PPFIA1: variants seen among roughly 807,000 people sequenced by gnomAD.
The protein encoded by PPFIA1 is PPFI scaffold protein A1, also known as liprin-alpha-1.
Under a neutral mutation model 149.9 loss-of-function variants are expected in PPFIA1, and 25 were observed. The observed-to-expected ratio is 0.17, with a 90% confidence interval of 0.12 to 0.23. The LOEUF (loss-of-function observed/expected upper bound fraction) is 0.23. Ranked by LOEUF, PPFIA1 falls within the 10% of genes least tolerant of loss-of-function variation. The pLI is 1.00. For synonymous variants in PPFIA1, 549 were observed against 552.8 expected (o/e 0.99, Z 0.10); for missense variants, 1,362 against 1,506.5 (o/e 0.90, Z 1.59).
At position 70,338,354 on chromosome 11, in the gene PPFIA1, A is replaced by G; in HGVS notation, c.1492-20A>G. 1 of 1,582,642 alleles carries G rather than the reference A, an allele frequency of 6.3e-7. No individual in the cohort carries two copies. The highest frequency in any genetic ancestry group is 8.7e-7 in the Non-Finnish European group (1 of 1,152,084). On this transcript the variant is annotated intron_variant, in intron 12 of 27. Coordinates refer to ENST00000253925, the MANE Select transcript of PPFIA1 (RefSeq NM_003626.5). ...ATCTAAAAGAGATAGCAGTAATGTA[A>G]GTCTTTTGCTTTTCTGTAGGATCAG...
chr11:70,299,495 T>C (rs1044455891), intron 2 of PPFIA1, among the ~76,000 whole-genome samples: 1 of 152,166 alleles, frequency 6.6e-6, no homozygotes, highest in Non-Finnish European at 1.5e-5. Context: ...CTCGGACAGT[T>C]ACTTTCATCT....
intron 19 of PPFIA1, among the ~76,000 whole-genome samples, chr11:70,356,965 C>T (rs1565442108): frequency 6.6e-6 from 1 of 152,052 alleles, no homozygotes; most frequent in Non-Finnish European, 1.5e-5. Flanking sequence ...TTGTGATGCC[C>T]CAGGGTGAGG....
chr11:70,273,997 G>A (rs532356590), intron 2 of PPFIA1, among the ~76,000 whole-genome samples: 1 of 152,332 alleles, frequency 6.6e-6, no homozygotes, highest in South Asian at 2.1e-4. Flanking sequence ...CTGGTGACAT[G>A]GTTGCTCAGT....
At chr11:70,271,068 G>A (rs2050041309) in intron 1 of PPFIA1, among the ~76,000 whole-genome samples, 154 bp downstream of exon 1, 1 of 151,838 alleles carries the variant, frequency 6.6e-6, no homozygotes, top group East Asian at 1.9e-4. Flanking sequence ...GGTCGCGCTG[G>A]GAGAGCTCCG....
chr11:70,355,708 C>G lies in PPFIA1; in HGVS notation c.2385C>G (p.His795Gln). Residue 795 changes from histidine to glutamine, a missense_variant, in exon 18 of 28, where the codon CAC becomes CAG. By Grantham distance (24) the His-to-Gln change is conservative. Transcript: ENST00000253925. Reference sequence around the variant, plus strand: ...GCAACAGTAGCCAGGACTCGCTCCACAAAGCCCCAAAGAAGAAAGGCATTA... The same window carrying G: ...GCAACAGTAGCCAGGACTCGCTCCAGAAAGCCCCAAAGAAGAAAGGCATTA... ...SSSNSSQDSL[H>Q]KAPKKKGIKS... 6.2e-7 allele frequency: 1 copy of G among 1,614,174 alleles called. No homozygotes were observed.
Position 70,362,399 on chromosome 11 carries a change from A to T in PPFIA1, c.2776A>T (p.Ser926Cys). 1 of 1,614,170 alleles carries T rather than the reference A, an allele frequency of 6.2e-7. No homozygotes were observed. Among genetic ancestry groups the T allele is most frequent in the South Asian group, 1.1e-5 (1 of 91,074 alleles). ...DTEIQREIGI[S>C]NPLHRLKLRL... ...AGAGATCCAGCGTGAGATTGGCATC[A>T]GCAACCCCCTGCACAGGCTGAAGCT... is the stretch of plus-strand genomic sequence containing the variant. Residue 926 changes from serine to cysteine, a missense_variant, in exon 21 of 28, where the codon AGC becomes TGC. Ser to Cys is a moderately radical substitution (Grantham distance 112, BLOSUM62 -1). This residue lies in a region of PPFIA1 where 349 missense variants were observed against 373.3 expected (regional missense o/e 0.93). Coordinates refer to ENST00000253925, the MANE Select transcript of PPFIA1 (RefSeq NM_003626.5).
chr11:70,302,789 T>A (rs1404900562), intron 2 of PPFIA1, among the ~76,000 whole-genome samples: 1 of 138,100 alleles, frequency 7.2e-6, no homozygotes, highest in Non-Finnish European at 1.6e-5. Flanking sequence ...TTTTTTTTTT[T>A]AAAGACATGT....
chr11:70,333,601 G>C lies in PPFIA1; in HGVS notation c.1296+48G>C, dbSNP rs762793100. Reference sequence around the variant, plus strand: ...GGGGGCGCTGAGTGGGTGCTGCAAGGTCATTGCTCGGCTGTGGGGAGCTCA... The same window carrying C: ...GGGGGCGCTGAGTGGGTGCTGCAAGCTCATTGCTCGGCTGTGGGGAGCTCA... On this transcript the variant is annotated intron_variant, in intron 10 of 27. Transcript: ENST00000253925. 2.0e-6 allele frequency: 3 copies of C among 1,473,174 alleles called. No individual in the cohort carries two copies. The African/African-American group carries it at 4.2e-5, about 21-fold the overall frequency. The allele number at this position is 1,473,174 out of a possible 1,614,324, so 91.3% of individuals were successfully genotyped here.
intron 2 of PPFIA1, among the ~76,000 whole-genome samples, chr11:70,289,060 C>T (rs745566030): frequency 5.9e-5 from 9 of 151,608 alleles, no homozygotes; most frequent in Admixed American, 2.0e-4. Flanking sequence ...CTCCGCCTCC[C>T]GGGTTCAAGC....
chr11:70,319,067 G>C (rs986264264), intron 2 of PPFIA1, among the ~76,000 whole-genome samples: 1 of 152,180 alleles, frequency 6.6e-6, no homozygotes, highest in Admixed American at 6.5e-5. Context: ...AATTTAGCAC[G>C]TCCAAACCCA....
At chr11:70,370,385 T>A (rs868224483) in intron 21 of PPFIA1, among the ~76,000 whole-genome samples, 1 of 151,814 alleles carries the variant, frequency 6.6e-6, no homozygotes, top group African/African-American at 2.4e-5. Flanking sequence ...CTAGTTTAAG[T>A]TTTAATTTTT....
intron 2 of PPFIA1, among the ~76,000 whole-genome samples, chr11:70,294,022 G>C (rs1565353673): frequency 1.4e-5 from 2 of 145,920 alleles, no homozygotes; most frequent in Admixed American, 1.4e-4. Context: ...CTGCAGCCTC[G>C]ACTTCCTGGG....
intron 11 of PPFIA1, among the ~76,000 whole-genome samples, chr11:70,335,913 T>A (rs1354634035): frequency 6.6e-6 from 1 of 152,224 alleles, no homozygotes; most frequent in African/African-American, 2.4e-5. Context: ...AAATTGTTTA[T>A]CATTCTTATT....
At chr11:70,282,648 C>G (rs2050834230) in intron 2 of PPFIA1, among the ~76,000 whole-genome samples, 1 of 149,408 alleles carries the variant, frequency 6.7e-6, no homozygotes, top group Non-Finnish European at 1.5e-5. Context: ...TCTGCCTCAG[C>G]CTCCCCAGTA....
At chr11:70,330,616 G>A (rs1337249472) in intron 8 of PPFIA1, among the ~76,000 whole-genome samples, 1 of 152,196 alleles carries the variant, frequency 6.6e-6, no homozygotes, top group East Asian at 1.9e-4. Flanking sequence ...AAGGCAATTG[G>A]CTATTTGTAA....
At chr11:70,371,195 C>T (rs1259043079) in intron 21 of PPFIA1, 2 of 152,092 alleles carry the variant, frequency 1.3e-5, no homozygotes, top group African/African-American at 4.8e-5. Context: ...GTAGGGGGTT[C>T]TAGATAGCTT....
intron 9 of PPFIA1, 33 bp downstream of exon 9, chr11:70,332,127 C>T (rs1292972340): frequency 1.3e-6 from 2 of 1,556,836 alleles, no homozygotes; most frequent in Non-Finnish European, 1.7e-6. Context: ...GGTTCGGCTG[C>T]CAGGCCTGTG....
At chr11:70,326,520 A>G in intron 6 of PPFIA1, 77 bp from the exon 7 acceptor site, 1 of 1,355,508 alleles carries the variant, frequency 7.4e-7, no homozygotes, top group South Asian at 1.3e-5. Flanking sequence ...TTTTGATTTT[A>G]GCTATTTCCT....
At chr11:70,295,490 G>A (rs1353384318) in intron 2 of PPFIA1, among the ~76,000 whole-genome samples, 38 of 141,234 alleles carry the variant, frequency 2.7e-4, no homozygotes, top group African/African-American at 1.0e-3. Flanking sequence ...TGGACGGGGC[G>A]GCTGGCCGGG....
Sources: gnomAD v4.1 joint callset for allele counts (sites outside exome capture counted in the v4.1 genomes callset) on GRCh38, gnomAD v4.1.1 for gene constraint, gnomAD v4.1.1 regional missense constraint, MANE v1.5 for transcripts, NCBI Gene and HGNC (gene_info 2026-07-23, HGNC 2026-07-21) for gene names.